RBFOX1: variants seen among roughly 807,000 people sequenced by gnomAD.
RBFOX1 encodes the protein RNA binding fox-1 homolog 1.
In RBFOX1, 8 loss-of-function variants were observed where a neutral mutation model predicts 57.7. The observed-to-expected ratio is 0.14, with a 90% confidence interval of 0.08 to 0.25. The LOEUF is 0.25. RBFOX1 is among the 10% of genes least tolerant of loss of function. RBFOX1 has a pLI of 1.00. For missense variants in RBFOX1, 611 were observed against 548.5 expected (o/e 1.11, Z -1.14); for synonymous variants, 326 against 222.4 (o/e 1.47, Z -4.15).
chr16:7,579,893 G>C lies in RBFOX1; in HGVS notation c.387G>C (p.Arg129=), dbSNP rs148594771. ...TCTCCAATATCCCCTTCAGGTTCCGGGATCCGGACCTCAGACAAATGTTTG... is the reference window on the plus strand; with the variant it reads ...TCTCCAATATCCCCTTCAGGTTCCGCGATCCGGACCTCAGACAAATGTTTG... ...LHVSNIPFRF[R]DPDLRQMFGQ... is the part of the protein sequence containing the mutation. The change falls in exon 6 of 16, where the codon CGG becomes CGC. Residue 129 remains arginine, a synonymous_variant. Transcript: ENST00000550418. The C allele has an allele frequency of 8.1e-6, 13 of 1,613,906 alleles. No individual in the cohort carries two copies. In the African/African-American group the frequency reaches 1.6e-4, roughly 20 times the overall value.
chr16:6,562,832 T>TTTTCTTCCTTTCTTTC (rs2097196435), intron 2 of RBFOX1, among the ~76,000 whole-genome samples: 1 of 75,944 alleles, frequency 1.3e-5, no homozygotes, highest in East Asian at 4.6e-4. Flanking sequence ...TTCTTGATTC[T>TTTTCTTCCTTTCTTTC]TTTCTTTCTT....
intron 3 of RBFOX1, among the ~76,000 whole-genome samples, chr16:6,843,559 G>A (rs541177977): frequency 6.6e-6 from 1 of 152,004 alleles, no homozygotes; most frequent in Non-Finnish European, 1.5e-5. Flanking sequence ...CATGGTGGCG[G>A]GCACCTGTAG....
chr16:7,409,483 C>A (rs966946130), intron 4 of RBFOX1, among the ~76,000 whole-genome samples: 1 of 152,330 alleles, frequency 6.6e-6, no homozygotes, highest in East Asian at 1.9e-4. Flanking sequence ...GCACAGGGCT[C>A]CTGAACACAA....
At chr16:6,595,211 T>C (rs578225755) in intron 2 of RBFOX1, among the ~76,000 whole-genome samples, 53 of 152,260 alleles carry the variant, frequency 3.5e-4, no homozygotes, top group Non-Finnish European at 1.5e-5. Context: ...TCACACCCTG[T>C]ACACCCTTAC....
intron 2 of RBFOX1, among the ~76,000 whole-genome samples, chr16:6,649,227 C>A (rs540226555): frequency 7.2e-4 from 109 of 152,306 alleles, no homozygotes; most frequent in South Asian, 5.6e-3. Flanking sequence ...TTCAACTTAA[C>A]ACAGTGTTCT....
intron 12 of RBFOX1, among the ~76,000 whole-genome samples, chr16:7,662,220 T>C (rs1356708620): frequency 1.3e-5 from 2 of 152,220 alleles, no homozygotes; most frequent in African/African-American, 4.8e-5. Context: ...GAAGTCATTA[T>C]TTCCCATATT....
intron 3 of RBFOX1, chr16:6,704,583 G>A (rs7206626): frequency 0.091 from 13,815 of 152,348 alleles, 737 homozygotes; most frequent in African/African-American, 0.14. Context: ...TAATATGGAT[G>A]CTTTCTCCTT....
At chr16:6,626,020 TAAAG>T (rs1165199764) in intron 2 of RBFOX1, among the ~76,000 whole-genome samples, 1 of 152,158 alleles carries the variant, frequency 6.6e-6, no homozygotes, top group Non-Finnish European at 1.5e-5. Flanking sequence ...ATTATAGGAA[TAAAG>T]AAACAGCTTC....
At chr16:5,594,307 C>T (rs1544534) in intron 2 of RBFOX1, among the ~76,000 whole-genome samples, 16,891 of 152,124 alleles carry the variant, frequency 0.11, 1,187 homozygotes, top group East Asian at 0.32. Context: ...GGCACATAAA[C>T]GCTCACAAGA....
At chr16:6,339,775 A>C (rs1312620466) in intron 2 of RBFOX1, among the ~76,000 whole-genome samples, 2 of 151,816 alleles carry the variant, frequency 1.3e-5, no homozygotes, top group Non-Finnish European at 2.9e-5. Context: ...GGTTCAAGCG[A>C]TTCTCCTGCC....
At chr16:6,293,891 TGAGCGGGGG>T (rs992366856) in intron 1 of RBFOX1, among the ~76,000 whole-genome samples, 4 of 12,848 alleles carry the variant, frequency 3.1e-4, no homozygotes, top group South Asian at 3.3e-3. Flanking sequence ...AATTCCAGGG[TGAGCGGGGG>T]GGTGGTGGAA....
At chr16:6,656,625 C>CAT (rs113839113) in intron 3 of RBFOX1, among the ~76,000 whole-genome samples, 2,839 of 151,870 alleles carry the variant, frequency 0.019, 79 homozygotes, top group African/African-American at 0.059. Flanking sequence ...CACACACACA[C>CAT]ACACACTTCT....
intron 2 of RBFOX1, among the ~76,000 whole-genome samples, chr16:6,485,301 G>T (rs1364234504): frequency 2.0e-5 from 3 of 152,138 alleles, no homozygotes; most frequent in Non-Finnish European, 2.9e-5. Context: ...TTAATCTGAG[G>T]AATGAGGTAG....
chr16:5,749,545 C>A (rs1414303975), intron 3 of RBFOX1, among the ~76,000 whole-genome samples: 3 of 152,196 alleles, frequency 2.0e-5, no homozygotes, highest in Non-Finnish European at 2.9e-5. Flanking sequence ...TCCCATATTT[C>A]TTGGAGGCTT....
intron 4 of RBFOX1, among the ~76,000 whole-genome samples, chr16:7,190,800 G>C (rs17560841): frequency 6.6e-6 from 1 of 152,162 alleles, no homozygotes; most frequent in Admixed American, 6.5e-5. Flanking sequence ...CGCCATTTCA[G>C]TCATTTTTGG....
chr16:6,034,354 AAAAGAAAAG>A (rs1270801919), intron 1 of RBFOX1, among the ~76,000 whole-genome samples: 2 of 140,636 alleles, frequency 1.4e-5, no homozygotes, highest in Non-Finnish European at 3.1e-5. Flanking sequence ...AAAAAAAAAA[AAAAGAAAAG>A]AAAAGAAAAG....
At chr16:7,389,636 C>G (rs993025739) in intron 4 of RBFOX1, among the ~76,000 whole-genome samples, 4 of 152,140 alleles carry the variant, frequency 2.6e-5, no homozygotes, top group African/African-American at 9.7e-5. Context: ...TAATTGTCAT[C>G]CAGATATGTT....
intron 4 of RBFOX1, among the ~76,000 whole-genome samples, chr16:7,197,797 C>G (rs1567668806): frequency 6.6e-6 from 1 of 151,952 alleles, no homozygotes; most frequent in Admixed American, 6.6e-5. Flanking sequence ...GAGCATTATG[C>G]TAAGGGAAGG....
chr16:7,547,289 G>C (rs899307191), intron 5 of RBFOX1, among the ~76,000 whole-genome samples: 1 of 152,148 alleles, frequency 6.6e-6, no homozygotes, highest in African/African-American at 2.4e-5. Context: ...AGCACCTTTC[G>C]ATATGAAGTG....
Sources: gnomAD v4.1 joint callset for allele counts (sites outside exome capture counted in the v4.1 genomes callset) on GRCh38, gnomAD v4.1.1 for gene constraint, MANE v1.5 for transcripts, NCBI Gene and HGNC (gene_info 2026-07-23, HGNC 2026-07-21) for gene names.